Variants in SH3GL2 observed in about 807,000 individuals in gnomAD.
The protein encoded by SH3GL2 is SH3 domain containing GRB2 like 2, endophilin A1, also known as endophilin-A1.
SH3GL2 carries 24 observed loss-of-function variants against 46.0 expected under a neutral mutation model. The ratio of observed to expected loss-of-function variants is 0.52; its 90% CI spans 0.38 to 0.73. The LOEUF (loss-of-function observed/expected upper bound fraction) is 0.73. Ranked by LOEUF, SH3GL2 falls within the 30% of genes least tolerant of loss-of-function variation. The pLI is 0.00. For missense variants in SH3GL2, 413 were observed against 424.2 expected (o/e 0.97, Z 0.23); for synonymous variants, 196 against 147.1 (o/e 1.33, Z -2.40).
intron 1 of SH3GL2, among the ~76,000 whole-genome samples, chr9:17,594,115 G>T (rs1818530555): frequency 6.6e-6 from 1 of 152,132 alleles, no homozygotes; most frequent in African/African-American, 2.4e-5. Flanking sequence ...AAACTCTTCA[G>T]TGGCTCCTTA....
chr9:17,593,548 A>G (rs77694948), intron 1 of SH3GL2, among the ~76,000 whole-genome samples: 10,279 of 152,186 alleles, frequency 0.068, 1,193 homozygotes, highest in African/African-American at 0.24. Context: ...CTACATCCTT[A>G]CAAGGACACA....
chr9:17,627,842 G>T (rs1006323115), intron 1 of SH3GL2, among the ~76,000 whole-genome samples: 1 of 152,142 alleles, frequency 6.6e-6, no homozygotes, highest in African/African-American at 2.4e-5. Context: ...ACAAACCATG[G>T]GGATTGTTTA....
chr9:17,707,866 G>A (rs1261770277), intron 1 of SH3GL2, among the ~76,000 whole-genome samples: 2 of 151,982 alleles, frequency 1.3e-5, no homozygotes, highest in Non-Finnish European at 2.9e-5. Flanking sequence ...AACCTCACAT[G>A]CATATTCTGT....
At chr9:17,670,817 A>G (rs1820456450) in intron 1 of SH3GL2, among the ~76,000 whole-genome samples, 1 of 152,200 alleles carries the variant, frequency 6.6e-6, no homozygotes, top group South Asian at 2.1e-4. Flanking sequence ...GGACTTACAT[A>G]TACATCAGTG....
At chr9:17,702,818 A>ATT (rs1821371704) in intron 1 of SH3GL2, among the ~76,000 whole-genome samples, 1 of 152,122 alleles carries the variant, frequency 6.6e-6, no homozygotes, top group Non-Finnish European at 1.5e-5. Context: ...GTTTTTTTAA[A>ATT]GAGATTAATA....
chr9:17,779,964 G>C (rs552513682), intron 3 of SH3GL2, among the ~76,000 whole-genome samples: 3 of 152,072 alleles, frequency 2.0e-5, no homozygotes, highest in Admixed American at 6.6e-5. Context: ...GTCTAGAGAC[G>C]AACACAGTGG....
At chr9:17,668,074 A>G (rs1421495124) in intron 1 of SH3GL2, among the ~76,000 whole-genome samples, 1 of 152,146 alleles carries the variant, frequency 6.6e-6, no homozygotes, top group Non-Finnish European at 1.5e-5. Context: ...ATTTTCTCCC[A>G]TTCTATGGGT....
chr9:17,664,757 G>T (rs936291770), intron 1 of SH3GL2, among the ~76,000 whole-genome samples: 27 of 151,372 alleles, frequency 1.8e-4, no homozygotes, highest in Non-Finnish European at 3.5e-4. Context: ...GGAGTCTGGG[G>T]ATATTTTTCA....
Position 17,579,191 on chromosome 9 carries a change from C to A in SH3GL2, c.-52C>A. 1.4e-6 allele frequency: 2 copies of A among 1,407,456 alleles called. 1 individual carries two copies. Among genetic ancestry groups the A allele is most frequent in the Non-Finnish European group, 1.9e-6 (2 of 1,041,936 alleles). 87.2% of individuals were successfully genotyped at this position (1,407,456 alleles called of 1,614,324 possible). A position where few individuals can be genotyped will look rare whatever the true frequency, so the allele number is the denominator to read the frequency against. On this transcript the variant is annotated 5_prime_UTR_variant, in exon 1 of 9. Coordinates refer to ENST00000380607, the MANE Select transcript of SH3GL2 (RefSeq NM_003026.5). The stretch of plus-strand genomic sequence containing the variant: ...GCCGCCCCGCTCGGCCCTCCAGTCC[C>A]CCTCCGCCTCCTCCCTCCCGCACAG...
chr9:17,587,805 G>T (rs1818408818), intron 1 of SH3GL2, among the ~76,000 whole-genome samples: 1 of 151,924 alleles, frequency 6.6e-6, no homozygotes, highest in Non-Finnish European at 1.5e-5. Context: ...AGAGTTGCTT[G>T]AACCTGGGAG....
intron 1 of SH3GL2, among the ~76,000 whole-genome samples, chr9:17,588,906 G>A (rs1401249353): frequency 6.6e-6 from 1 of 152,192 alleles, no homozygotes; most frequent in Non-Finnish European, 1.5e-5. Context: ...TGGCCCCTCT[G>A]TGGTACACCT....
intron 1 of SH3GL2, among the ~76,000 whole-genome samples, chr9:17,682,300 G>A (rs1820792015): frequency 6.6e-6 from 1 of 152,100 alleles, no homozygotes; most frequent in Non-Finnish European, 1.5e-5. Context: ...CAAAGTCATG[G>A]AACCAACCCA....
intron 3 of SH3GL2, among the ~76,000 whole-genome samples, chr9:17,768,091 G>A (rs1436273865): frequency 1.3e-5 from 2 of 152,094 alleles, no homozygotes; most frequent in Non-Finnish European, 1.5e-5. Context: ...CTTAATCAGG[G>A]CTGGGCACAG....
chr9:17,704,966 T>C (rs1370447726), intron 1 of SH3GL2, among the ~76,000 whole-genome samples: 3 of 151,496 alleles, frequency 2.0e-5, no homozygotes, highest in Admixed American at 6.6e-5. Flanking sequence ...ACAGACAATC[T>C]ACAGAATGGG....
chr9:17,664,227 A>G (rs912444276), intron 1 of SH3GL2, among the ~76,000 whole-genome samples: 3 of 152,180 alleles, frequency 2.0e-5, no homozygotes, highest in African/African-American at 7.2e-5. Context: ...TTCTAATTTC[A>G]TTTGGGTAAA....
intron 1 of SH3GL2, among the ~76,000 whole-genome samples, chr9:17,616,420 A>T (rs1305208082): frequency 6.6e-6 from 1 of 152,272 alleles, no homozygotes; most frequent in East Asian, 1.9e-4. Context: ...AATTAAAATC[A>T]ACAAGGAGAA....
In SH3GL2 at chr9:17,694,155, A is replaced by T. The variant is rs567404856; in HGVS notation, c.46-52911A>T. ...AGTCTGTTCTTATACTGCTATAAAG[A>T]AGTACCTGAGACTGGTAATTTATGA... On this transcript the variant is annotated intron_variant, in intron 1 of 8. Transcript: ENST00000380607. Among the ~76,000 whole-genome samples, 3 of 152,268 alleles carry T rather than the reference A, an allele frequency of 2.0e-5. No individual in the cohort carries two copies. In the South Asian group the frequency reaches 6.2e-4, roughly 32 times the overall value.
At chr9:17,741,870 T>C (rs7851224) in intron 1 of SH3GL2, among the ~76,000 whole-genome samples, 128,907 of 151,970 alleles carry the variant, frequency 0.85, 55,310 homozygotes, top group African/African-American at 0.94. Flanking sequence ...AGAGGAAGTC[T>C]GATAACTTCC....
chr9:17,613,523 C>T (rs890942421), intron 1 of SH3GL2, among the ~76,000 whole-genome samples: 3 of 152,202 alleles, frequency 2.0e-5, no homozygotes, highest in African/African-American at 7.2e-5. Flanking sequence ...TAATTCTAAG[C>T]ACCCTAGAGG....
Sources: allele counts gnomAD v4.1 joint callset (sites outside exome capture counted in the v4.1 genomes callset), GRCh38; gene constraint gnomAD v4.1.1; transcripts MANE v1.5; gene names NCBI Gene and HGNC (gene_info 2026-07-23, HGNC 2026-07-21).